The following RSU1 variants were observed in gnomAD, a reference collection of about 807,000 sequenced individuals.
RSU1 encodes Ras suppressor protein 1.
A neutral mutation model predicts 31.1 loss-of-function variants in RSU1; 26 were observed. The observed-to-expected ratio is 0.84, with a 90% CI of 0.61 to 1.16. RSU1 has a LOEUF of 1.16. Ranked by LOEUF, RSU1 falls within the 50% of genes most tolerant of loss-of-function variation. The probability of loss-of-function intolerance (pLI) is 0.00; values close to 1 mark genes in which losing one functional copy is unlikely to be tolerated. For missense variants in RSU1, 320 were observed against 339.1 expected, an observed-to-expected ratio of 0.94 and a Z score of 0.44; for synonymous variants, 164 against 136.3, an observed-to-expected ratio of 1.20 and a Z score of -1.41.
chr10:16,709,799 G>A (rs1237446342), intron 7 of RSU1, among the ~76,000 whole-genome samples: 1 of 152,090 alleles, frequency 6.6e-6, no homozygotes, highest in African/African-American at 2.4e-5. Flanking sequence ...GTCTTCTTTT[G>A]AGAAGTGTCT....
chr10:16,627,339 G>A (rs1457467009), intron 8 of RSU1, among the ~76,000 whole-genome samples: 1 of 152,098 alleles, frequency 6.6e-6, no homozygotes, highest in Non-Finnish European at 1.5e-5. Context: ...AAACAATTAC[G>A]TGTAGAGTAG....
At chr10:16,595,820 T>A (rs1833602784) in intron 8 of RSU1, among the ~76,000 whole-genome samples, 1 of 148,090 alleles carries the variant, frequency 6.8e-6, no homozygotes, top group South Asian at 2.1e-4. Context: ...AAAGAAAAAA[T>A]TAGCTGCGCA....
At chr10:16,596,919 C>T (rs1204588627) in intron 8 of RSU1, among the ~76,000 whole-genome samples, 5 of 152,236 alleles carry the variant, frequency 3.3e-5, no homozygotes, top group East Asian at 1.9e-4. Flanking sequence ...GAGGGGGTTT[C>T]GCCACGTTGG....
In RSU1 at chr10:16,594,639, GAT is replaced by G. The variant is rs940460758; in HGVS notation, c.732-1145_732-1144del. Among the ~76,000 whole-genome samples, 721 of 142,534 alleles carry G rather than the reference GAT, an allele frequency of 5.1e-3. 4 individuals carry two copies. Among genetic ancestry groups the G allele is most frequent in the African/African-American group, 0.018 (676 of 37,566 alleles). The allele number at this position is 142,534 out of a possible 152,430, so 93.5% of individuals were successfully genotyped here. ...ATATGATATATATGATAGATAATAT[GAT>G]ATATATGATATATATCATATATTAT... On this transcript the variant is annotated intron_variant, in intron 8 of 8. Transcript: ENST00000345264.
chr10:16,599,260 A>C (rs1833674261), intron 8 of RSU1, among the ~76,000 whole-genome samples: 1 of 152,172 alleles, frequency 6.6e-6, no homozygotes, highest in African/African-American at 2.4e-5. Context: ...ATTGGCAAAA[A>C]ACTTTTGTCC....
intron 4 of RSU1, among the ~76,000 whole-genome samples, chr10:16,756,349 T>A (rs1159003660): frequency 3.3e-5 from 5 of 152,150 alleles, no homozygotes; most frequent in African/African-American, 1.2e-4. Flanking sequence ...ACCTAAAAAA[T>A]TTTTAAATCA....
At chr10:16,682,535 T>TACACACATACACAC (rs748846847) in intron 8 of RSU1, among the ~76,000 whole-genome samples, 6 of 26,506 alleles carry the variant, frequency 2.3e-4, no homozygotes, top group African/African-American at 9.0e-4. Flanking sequence ...AAATCATTCA[T>TACACACATACACAC]ACACACACAC....
At position 16,764,422 on chromosome 10, in the gene RSU1, A is replaced by G. The variant is rs1337831675; in HGVS notation, c.249T>C (p.Ser83=). 6.2e-7 allele frequency: 1 copy of G among 1,613,886 alleles called. No individual in the cohort carries two copies. Among genetic ancestry groups the G allele is most frequent in the Non-Finnish European group, 8.5e-7 (1 of 1,179,908 alleles). Residue 83 remains serine (S), a synonymous_variant, in exon 4 of 9, where the codon AGT becomes AGC. Transcript: ENST00000345264. ...TCAGGTGTTTGAGTTTCTGAAGGCT[A>G]CTGATCTGTGTGGGCAGCTCCTCGA... The part of the protein sequence containing the change: ...NQIEELPTQI[S]SLQKLKHLNL...
intron 7 of RSU1, among the ~76,000 whole-genome samples, chr10:16,736,642 CA>C (rs1194653747): frequency 6.6e-6 from 1 of 151,572 alleles, no homozygotes; most frequent in Non-Finnish European, 1.5e-5. Context: ...AACCAAAAAA[CA>C]AAAAAACCCA....
chr10:16,728,480 T>C (rs1006868808), intron 7 of RSU1, among the ~76,000 whole-genome samples: 1 of 152,164 alleles, frequency 6.6e-6, no homozygotes, highest in African/African-American at 2.4e-5. Flanking sequence ...ATCCAGAAGA[T>C]GACACATAGG....
intron 8 of RSU1, among the ~76,000 whole-genome samples, chr10:16,648,621 A>AT (rs1330641514): frequency 2.0e-5 from 3 of 151,820 alleles, no homozygotes; most frequent in Admixed American, 2.0e-4. Context: ...ATGGGAATTC[A>AT]TTTTTTTTCT....
At chr10:16,711,877 T>C (rs772127588) in intron 7 of RSU1, among the ~76,000 whole-genome samples, 11 of 152,230 alleles carry the variant, frequency 7.2e-5, no homozygotes, top group Non-Finnish European at 1.5e-4. Context: ...AAATGTTCTG[T>C]AAATATCTGC....
chr10:16,785,526 A>ACACATATATACATATATACATATAT (rs1240281059), intron 2 of RSU1, among the ~76,000 whole-genome samples: 1 of 141,832 alleles, frequency 7.1e-6, no homozygotes, highest in African/African-American at 2.9e-5. Context: ...ATATATATAT[A>ACACATATATACATATATACATATAT]ATATTAGTTC....
At chr10:16,691,814 C>T (rs1224161821) in intron 8 of RSU1, among the ~76,000 whole-genome samples, 1 of 148,662 alleles carries the variant, frequency 6.7e-6, no homozygotes, top group African/African-American at 2.5e-5. Context: ...TCTCAACTCA[C>T]TGCAACCTCC....
At chr10:16,625,619 G>A (rs1219457504) in intron 8 of RSU1, among the ~76,000 whole-genome samples, 1 of 152,152 alleles carries the variant, frequency 6.6e-6, no homozygotes, top group African/African-American at 2.4e-5. Flanking sequence ...TCAATGTCCT[G>A]GTGGAAGTGT....
chr10:16,681,495 C>T (rs905552490), intron 8 of RSU1, among the ~76,000 whole-genome samples: 1 of 152,030 alleles, frequency 6.6e-6, no homozygotes, highest in Non-Finnish European at 1.5e-5. Flanking sequence ...TCATTGTCTT[C>T]TATTGCCTTA....
At chr10:16,675,510 C>T (rs1225603569) in intron 8 of RSU1, among the ~76,000 whole-genome samples, 1 of 152,070 alleles carries the variant, frequency 6.6e-6, no homozygotes, top group Non-Finnish European at 1.5e-5. Flanking sequence ...AGGGGAACTT[C>T]CTGAGCTTAC....
intron 8 of RSU1, among the ~76,000 whole-genome samples, chr10:16,668,421 G>A (rs2131534268): frequency 6.6e-6 from 1 of 152,266 alleles, no homozygotes; most frequent in South Asian, 2.1e-4. Context: ...AAGATCCTGT[G>A]AGCAAAATAT....
intron 7 of RSU1, among the ~76,000 whole-genome samples, chr10:16,750,626 A>C (rs1042561132): frequency 1.5e-4 from 23 of 152,174 alleles, no homozygotes; most frequent in Admixed American, 2.0e-4. Context: ...AAATGAAATA[A>C]GATCAAATGA....
Sources: allele counts gnomAD v4.1 joint callset (sites outside exome capture counted in the v4.1 genomes callset), GRCh38; gene constraint gnomAD v4.1.1; transcripts MANE v1.5; gene names NCBI Gene and HGNC (gene_info 2026-07-23, HGNC 2026-07-21).